The following MYO5B variants were observed in gnomAD, a reference collection of about 807,000 sequenced individuals.
MYO5B encodes myosin VB, also known as unconventional myosin-Vb.
In MYO5B, 143 loss-of-function variants were observed where a neutral mutation model predicts 229.3. The ratio of observed to expected loss-of-function variants is 0.62; its 90% CI spans 0.54 to 0.72. MYO5B has a LOEUF of 0.72. MYO5B is among the 30% of genes least tolerant of loss of function. The probability of loss-of-function intolerance (pLI) is 0.00; values close to 1 mark genes in which losing one functional copy is unlikely to be tolerated. For missense variants in MYO5B, 2,321 were observed against 2,331.0 expected, an observed-to-expected ratio of 1.00 and a Z score of 0.09; for synonymous variants, 918 against 885.2, an observed-to-expected ratio of 1.04 and a Z score of -0.66.
intron 1 of MYO5B, among the ~76,000 whole-genome samples, chr18:50,191,207 TAAC>T (rs1226664655): frequency 2.0e-5 from 3 of 152,148 alleles, no homozygotes; most frequent in African/African-American, 7.2e-5. Context: ...CCAGGAAGAA[TAAC>T]AACTGCTCAA....
chr18:49,971,186 C>T (rs1225482627), intron 10 of MYO5B, among the ~76,000 whole-genome samples: 1 of 152,166 alleles, frequency 6.6e-6, no homozygotes, highest in Non-Finnish European at 1.5e-5. Flanking sequence ...CTTAGAATCA[C>T]TTCCCATAGT....
intron 1 of MYO5B, among the ~76,000 whole-genome samples, chr18:50,083,971 C>T (rs552966778): frequency 2.6e-4 from 39 of 152,346 alleles, no homozygotes; most frequent in Non-Finnish European, 2.9e-5. Flanking sequence ...CAGAATGGTA[C>T]TACTGCCACT....
rs566229673 is a variant in MYO5B at position 50,163,769 on chromosome 18, A to G, written c.27+30998T>C. On this transcript the variant is annotated intron_variant, in intron 1 of 39. Transcript: ENST00000285039. ...CTTGTTCAAGCTGCACCAGGACCCCATGGAGCTGGCCCCTCCCATGCCTGC... is the reference window on the plus strand; with the variant it reads ...CTTGTTCAAGCTGCACCAGGACCCCGTGGAGCTGGCCCCTCCCATGCCTGC... 3.9e-5 allele frequency among the ~76,000 whole-genome samples: 6 copies of G among 152,312 alleles called. No homozygotes were observed. The South Asian group carries it at 1.0e-3, about 26-fold the overall frequency.
chr18:49,983,274 T>C (rs772156148), intron 8 of MYO5B, among the ~76,000 whole-genome samples: 7 of 152,182 alleles, frequency 4.6e-5, no homozygotes, highest in Non-Finnish European at 8.8e-5. Context: ...ATGAAGACAA[T>C]TCCCTTTCTG....
At chr18:50,069,399 A>G (rs2030900100) in intron 1 of MYO5B, among the ~76,000 whole-genome samples, 1 of 152,100 alleles carries the variant, frequency 6.6e-6, no homozygotes. Context: ...TAAGCACCAC[A>G]ACATTGGCAA....
chr18:50,062,568 GAC>G (rs2030714912), intron 1 of MYO5B, among the ~76,000 whole-genome samples: 2 of 152,296 alleles, frequency 1.3e-5, no homozygotes, highest in African/African-American at 4.8e-5. Flanking sequence ...CACAAAGTGG[GAC>G]ACACTCCACT....
At chr18:49,936,791 T>G (rs2025255322) in intron 15 of MYO5B, among the ~76,000 whole-genome samples, 2 of 152,118 alleles carry the variant, frequency 1.3e-5, no homozygotes, top group South Asian at 4.2e-4. Context: ...GGAACAAATG[T>G]TAGGTGGTGG....
At chr18:50,040,354 G>A (rs2029976929) in intron 2 of MYO5B, 40 bp from the exon 3 acceptor site, 8 of 1,576,380 alleles carry the variant, frequency 5.1e-6, no homozygotes, top group Middle Eastern at 1.7e-4. Flanking sequence ...AGGTGGTTAT[G>A]AAGCGTTAAG....
At chr18:50,151,150 G>A (rs1231133831) in intron 1 of MYO5B, among the ~76,000 whole-genome samples, 1 of 152,168 alleles carries the variant, frequency 6.6e-6, no homozygotes, top group Non-Finnish European at 1.5e-5. Context: ...TACTCCAAAG[G>A]TCACTTTTGC....
At chr18:50,130,279 T>C (rs1417701290) in intron 1 of MYO5B, among the ~76,000 whole-genome samples, 1 of 152,248 alleles carries the variant, frequency 6.6e-6, no homozygotes, top group African/African-American at 2.4e-5. Context: ...TAAAAAGCTT[T>C]GCTCATTATC....
intron 1 of MYO5B, among the ~76,000 whole-genome samples, chr18:50,188,597 G>C (rs141990483): frequency 7.2e-5 from 11 of 152,068 alleles, no homozygotes; most frequent in African/African-American, 2.7e-4. Flanking sequence ...GACCATCCTG[G>C]CCAACATGGT....
At chr18:49,962,724 CAA>C (rs2025574321) in intron 11 of MYO5B, among the ~76,000 whole-genome samples, 4 of 151,960 alleles carry the variant, frequency 2.6e-5, no homozygotes, top group Non-Finnish European at 5.9e-5. Context: ...GAGTCAAAGC[CAA>C]AGAGAAGATC....
intron 4 of MYO5B, among the ~76,000 whole-genome samples, chr18:50,022,138 C>G (rs1221135579): frequency 2.8e-5 from 4 of 141,142 alleles, no homozygotes; most frequent in Non-Finnish European, 6.2e-5. Flanking sequence ...GAACTTCCAT[C>G]TACCTAGTTT....
intron 1 of MYO5B, among the ~76,000 whole-genome samples, chr18:50,058,812 G>A (rs1385112792): frequency 6.6e-6 from 1 of 151,630 alleles, no homozygotes; most frequent in Admixed American, 6.6e-5. Context: ...CTCTGTCTCG[G>A]AGAAAAAAAA....
intron 1 of MYO5B, among the ~76,000 whole-genome samples, chr18:50,057,450 C>T (rs1402411948): frequency 1.3e-5 from 2 of 152,194 alleles, no homozygotes; most frequent in African/African-American, 2.4e-5. Flanking sequence ...CAACAGGAAC[C>T]GAACGGAGGT....
At chr18:49,996,920 G>C (rs372740380) in intron 5 of MYO5B, among the ~76,000 whole-genome samples, 1 of 152,210 alleles carries the variant, frequency 6.6e-6, no homozygotes, top group Non-Finnish European at 1.5e-5. Context: ...TTGGTAAGGT[G>C]TACTGGGAGC....
chr18:49,919,648 A>G (rs1415852098), intron 17 of MYO5B, among the ~76,000 whole-genome samples: 2 of 152,246 alleles, frequency 1.3e-5, no homozygotes, highest in Non-Finnish European at 2.9e-5. Flanking sequence ...CAGAATAGCT[A>G]TAATGAAAAG....
At chr18:49,924,330 T>C (rs2025106765) in intron 17 of MYO5B, among the ~76,000 whole-genome samples, 1 of 152,230 alleles carries the variant, frequency 6.6e-6, no homozygotes, top group Non-Finnish European at 1.5e-5. Flanking sequence ...ATACATTATC[T>C]AATTCCTTAC....
intron 4 of MYO5B, among the ~76,000 whole-genome samples, chr18:50,030,280 G>T (rs117998095): frequency 2.0e-5 from 3 of 150,730 alleles, no homozygotes; most frequent in Non-Finnish European, 4.5e-5. Context: ...TAGCTTCCTC[G>T]CTCCCTTTCC....
Sources: gnomAD v4.1 joint callset for allele counts (sites outside exome capture counted in the v4.1 genomes callset) on GRCh38, gnomAD v4.1.1 for gene constraint, MANE v1.5 for transcripts, NCBI Gene and HGNC (gene_info 2026-07-23, HGNC 2026-07-21) for gene names.